The following ZNF704 variants were observed in gnomAD, a reference collection of about 807,000 sequenced individuals.
ZNF704 encodes glucocorticoid induced gene 1.
A neutral mutation model predicts 44.7 loss-of-function variants in ZNF704; 10 were observed. That is an observed-to-expected ratio of 0.22 (90% CI 0.14 to 0.38). The LOEUF (loss-of-function observed/expected upper bound fraction) is 0.38. Among genes scored for constraint, ZNF704 ranks in the 10% least tolerant of loss-of-function variants. The pLI is 1.00. For missense variants in ZNF704, 390 were observed against 545.5 expected (o/e 0.71, Z 2.84); for synonymous variants, 211 against 207.6 (o/e 1.02, Z -0.14).
chr8:80,793,969 G>C (rs1331541266), intron 2 of ZNF704, among the ~76,000 whole-genome samples: 1 of 152,080 alleles, frequency 6.6e-6, no homozygotes, highest in African/African-American at 2.4e-5. Context: ...ACAAATAGGG[G>C]GATGAAAGAA....
intron 7 of ZNF704, among the ~76,000 whole-genome samples, chr8:80,647,404 T>A (rs1817850490): frequency 6.6e-6 from 1 of 152,178 alleles, no homozygotes; most frequent in Admixed American, 6.5e-5. Flanking sequence ...GCCTCTGACC[T>A]GCAATAAGGG....
chr8:80,795,477 A>C (rs943621535), intron 2 of ZNF704, among the ~76,000 whole-genome samples: 4 of 152,194 alleles, frequency 2.6e-5, no homozygotes, highest in Admixed American at 1.3e-4. Flanking sequence ...TTATTTCTTT[A>C]AACTATCAGC....
At chr8:80,709,376 G>T (rs1446581438) in intron 2 of ZNF704, among the ~76,000 whole-genome samples, 2 of 148,040 alleles carry the variant, frequency 1.4e-5, no homozygotes, top group Non-Finnish European at 3.0e-5. Context: ...CCTGGGAGGC[G>T]GAGATTGCAA....
At chr8:80,679,623 A>G (rs570449271) in intron 4 of ZNF704, among the ~76,000 whole-genome samples, 3 of 152,344 alleles carry the variant, frequency 2.0e-5, no homozygotes, top group African/African-American at 7.2e-5. Context: ...TCTGCAGAAC[A>G]CCAACGTCAG....
intron 2 of ZNF704, among the ~76,000 whole-genome samples, chr8:80,722,557 A>G (rs1806391395): frequency 6.6e-6 from 1 of 152,262 alleles, no homozygotes; most frequent in Non-Finnish European, 1.5e-5. Flanking sequence ...GTTATTTAAA[A>G]GCAAAAGAAG....
chr8:80,817,523 C>T (rs992592223), intron 2 of ZNF704, among the ~76,000 whole-genome samples: 5 of 152,332 alleles, frequency 3.3e-5, no homozygotes, highest in Admixed American at 3.3e-4. Flanking sequence ...CCCCTCCTGT[C>T]CCATTTCTCT....
chr8:80,866,828 T>C (rs1280798244), intron 1 of ZNF704, among the ~76,000 whole-genome samples: 2 of 152,176 alleles, frequency 1.3e-5, no homozygotes, highest in Non-Finnish European at 2.9e-5. Context: ...GGTATCACTA[T>C]GTTGCCCAGG....
intron 4 of ZNF704, among the ~76,000 whole-genome samples, chr8:80,682,171 G>A (rs367914503): frequency 3.9e-5 from 6 of 152,208 alleles, no homozygotes; most frequent in East Asian, 1.9e-4. Context: ...ATGCTTATTC[G>A]TGAGGGTTTT....
intron 4 of ZNF704, among the ~76,000 whole-genome samples, chr8:80,676,137 G>A (rs968373550): frequency 3.3e-5 from 5 of 152,188 alleles, no homozygotes; most frequent in African/African-American, 9.6e-5. Flanking sequence ...CCAAATAGCA[G>A]TAAATCTCGT....
chr8:80,836,495 T>C (rs1342829200), intron 1 of ZNF704, among the ~76,000 whole-genome samples: 2 of 152,204 alleles, frequency 1.3e-5, no homozygotes, highest in African/African-American at 2.4e-5. Flanking sequence ...ATTATCATTC[T>C]AGCCAGGTGT....
chr8:80,819,033 G>A (rs1808221329), intron 2 of ZNF704, among the ~76,000 whole-genome samples: 1 of 152,022 alleles, frequency 6.6e-6, no homozygotes, highest in Non-Finnish European at 1.5e-5. Context: ...CTGTATTTAT[G>A]ATGATTAAAT....
At chr8:80,758,769 T>A (rs190591265) in intron 2 of ZNF704, among the ~76,000 whole-genome samples, 61 of 152,328 alleles carry the variant, frequency 4.0e-4, no homozygotes, top group Admixed American at 1.8e-3. Context: ...ATCAGGTGCA[T>A]TTTATAATCA....
chr8:80,700,417 TAAAATGGAAATGACA>T (rs1818790792), intron 2 of ZNF704, among the ~76,000 whole-genome samples: 2 of 152,170 alleles, frequency 1.3e-5, no homozygotes, highest in Admixed American at 1.3e-4. Flanking sequence ...TCCTCATCTG[TAAAATGGAAATGACA>T]ATAATACAGA....
At chr8:80,672,279 G>A (rs1339718313) in intron 4 of ZNF704, among the ~76,000 whole-genome samples, 3 of 152,164 alleles carry the variant, frequency 2.0e-5, no homozygotes, top group East Asian at 1.9e-4. Flanking sequence ...ACATGCTGGC[G>A]AGGCTGCAGA....
chr8:80,775,428 C>T (rs1807395007), intron 2 of ZNF704, among the ~76,000 whole-genome samples: 1 of 152,164 alleles, frequency 6.6e-6, no homozygotes, highest in Admixed American at 6.5e-5. Flanking sequence ...TTACTATATT[C>T]ACAATGGTGG....
intron 1 of ZNF704, among the ~76,000 whole-genome samples, chr8:80,868,861 C>T (rs984145464): frequency 2.0e-5 from 3 of 152,276 alleles, no homozygotes; most frequent in Admixed American, 6.5e-5. Flanking sequence ...TCATCATACA[C>T]TTGCCAACTC....
chr8:80,719,758 A>C (rs1245987567), intron 2 of ZNF704, among the ~76,000 whole-genome samples: 1 of 152,232 alleles, frequency 6.6e-6, no homozygotes, highest in Non-Finnish European at 1.5e-5. Context: ...GGGAGAAAGC[A>C]GGTCACTGCT....
intron 2 of ZNF704, among the ~76,000 whole-genome samples, chr8:80,712,470 A>G (rs1819002099): frequency 6.6e-6 from 1 of 152,204 alleles, no homozygotes; most frequent in South Asian, 2.1e-4. Context: ...GAACCAGTTT[A>G]GAGACGGAGG....
chr8:80,762,485 T>G (rs1206468415), intron 2 of ZNF704, among the ~76,000 whole-genome samples: 1 of 151,928 alleles, frequency 6.6e-6, no homozygotes. Context: ...AACCATCAGA[T>G]CTCATGAGAA....
Sources: allele counts gnomAD v4.1 joint callset (sites outside exome capture counted in the v4.1 genomes callset), GRCh38; gene constraint gnomAD v4.1.1; transcripts MANE v1.5; gene names NCBI Gene and HGNC (gene_info 2026-07-23, HGNC 2026-07-21).